Variants in ITFG1 observed in about 807,000 individuals in gnomAD.
ITFG1 encodes T-cell immunomodulatory protein.
Under a neutral mutation model 81.8 loss-of-function variants are expected in ITFG1, and 34 were observed. The observed-to-expected ratio is 0.42, with a 90% CI of 0.32 to 0.55. ITFG1 has a LOEUF of 0.55. ITFG1 is among the 20% of genes least tolerant of loss of function. The pLI is 0.17. For missense variants in ITFG1, 672 were observed against 755.4 expected (o/e 0.89, Z 1.29); for synonymous variants, 285 against 270.6 (o/e 1.05, Z -0.52).
At chr16:47,439,756 G>A (rs1969220371) in intron 5 of ITFG1, among the ~76,000 whole-genome samples, 1 of 152,110 alleles carries the variant, frequency 6.6e-6, no homozygotes, top group Non-Finnish European at 1.5e-5. Flanking sequence ...GACCATGAAG[G>A]TTAGGAAGAA....
intron 5 of ITFG1, among the ~76,000 whole-genome samples, chr16:47,437,775 T>C (rs953201051): frequency 2.0e-5 from 3 of 152,226 alleles, no homozygotes; most frequent in South Asian, 2.1e-4. Context: ...GTGAGTGACG[T>C]AGAAGACGGG....
intron 5 of ITFG1, among the ~76,000 whole-genome samples, chr16:47,431,159 G>A (rs1414249524): frequency 6.6e-6 from 1 of 152,180 alleles, no homozygotes; most frequent in African/African-American, 2.4e-5. Context: ...CAGATTTGTG[G>A]TTGTCAGGTG....
chr16:47,428,832 A>G lies in ITFG1; in HGVS notation c.627T>C (p.Phe209=). ...CTGTAAAATCTTCAGTCAGATCAAT[A>G]AATGCATGAGAATGTGGAATTCGCA... The part of the protein sequence containing the change: ...SKMRIPHSHA[F]IDLTEDFTAD... The change falls in exon 6 of 18, where the codon TTT becomes TTC. Residue 209 remains phenylalanine, a synonymous_variant. Transcript: ENST00000320640. 6.2e-7 allele frequency: 1 copy of G among 1,610,650 alleles called. No individual in the cohort carries two copies. The highest frequency in any genetic ancestry group is 8.5e-7 in the Non-Finnish European group (1 of 1,178,066).
intron 10 of ITFG1, among the ~76,000 whole-genome samples, chr16:47,296,856 A>C (rs985496347): frequency 1.3e-5 from 2 of 152,210 alleles, no homozygotes; most frequent in African/African-American, 4.8e-5. Context: ...CTTTGTGGTA[A>C]CATATGGTCT....
At chr16:47,163,675 T>A (rs141199121) in intron 14 of ITFG1, among the ~76,000 whole-genome samples, 17 of 152,288 alleles carry the variant, frequency 1.1e-4, no homozygotes, top group African/African-American at 4.1e-4. Flanking sequence ...GTGTTTAACA[T>A]CATTAGGAAC....
At chr16:47,274,824 T>C (rs752912158) in intron 10 of ITFG1, among the ~76,000 whole-genome samples, 3 of 152,300 alleles carry the variant, frequency 2.0e-5, no homozygotes, top group South Asian at 4.1e-4. Context: ...ATTAGTCCAA[T>C]AGATGTTTTG....
At chr16:47,453,907 A>G (rs1446198855) in intron 3 of ITFG1, 106 bp downstream of exon 3, 1 of 734,340 alleles carries the variant, frequency 1.4e-6, no homozygotes, top group Non-Finnish European at 2.2e-6. Context: ...TTTTACAATT[A>G]TTGACACCCA....
rs145011809 is a variant in ITFG1, at chr16:47,338,283, C to T, written c.803-24460G>A. ...AACATTGGCCAGGAGCGGTGGCAGG[C>T]GCGCATAATCCCTACTCGGGAGGCT... On this transcript the variant is annotated intron_variant, in intron 8 of 17. Coordinates refer to ENST00000320640, the MANE Select transcript of ITFG1 (RefSeq NM_030790.5). Among the ~76,000 whole-genome samples the T allele has an allele frequency of 5.8e-3, 883 of 152,142 alleles. 7 individuals are homozygous for T. The highest frequency in any genetic ancestry group is 0.02 in the African/African-American group (835 of 41,490).
chr16:47,337,321 C>T (rs1353700330), intron 8 of ITFG1, among the ~76,000 whole-genome samples: 3 of 152,076 alleles, frequency 2.0e-5, no homozygotes, highest in African/African-American at 7.2e-5. Flanking sequence ...CCTGTAATCC[C>T]AGCACTTTGG....
intron 8 of ITFG1, among the ~76,000 whole-genome samples, chr16:47,324,652 A>C (rs201527968): frequency 5.3e-5 from 8 of 152,240 alleles, no homozygotes; most frequent in African/African-American, 1.7e-4. Flanking sequence ...ATCTACCAAG[A>C]AAATGGAAAA....
intron 6 of ITFG1, among the ~76,000 whole-genome samples, chr16:47,423,061 G>C (rs1019269047): frequency 6.6e-6 from 1 of 152,146 alleles, no homozygotes; most frequent in African/African-American, 2.4e-5. Flanking sequence ...GGGAGTCTAA[G>C]TCTCTTTGTA....
intron 5 of ITFG1, among the ~76,000 whole-genome samples, chr16:47,433,290 C>G (rs1969116738): frequency 1.3e-5 from 2 of 152,204 alleles, no homozygotes; most frequent in Non-Finnish European, 2.9e-5. Context: ...CTTTAAGAAT[C>G]TTGAATTCAT....
chr16:47,429,474 T>C (rs1435521763), intron 5 of ITFG1, among the ~76,000 whole-genome samples: 1 of 152,226 alleles, frequency 6.6e-6, no homozygotes, highest in Non-Finnish European at 1.5e-5. Context: ...TGTTGGGTCA[T>C]AGAGGAATAT....
At chr16:47,342,061 C>T (rs1297873799) in intron 8 of ITFG1, among the ~76,000 whole-genome samples, 2 of 152,084 alleles carry the variant, frequency 1.3e-5, no homozygotes, top group African/African-American at 2.4e-5. Flanking sequence ...CTTCCCAACT[C>T]GTTTTATGAA....
chr16:47,327,819 G>A (rs1294614899), intron 8 of ITFG1, among the ~76,000 whole-genome samples: 2 of 152,118 alleles, frequency 1.3e-5, no homozygotes, highest in Admixed American at 6.5e-5. Context: ...AAAAAGTCAG[G>A]AAACAACAGG....
At position 47,414,536 on chromosome 16, in the gene ITFG1, AC is replaced by A. The variant is rs1161676543; in HGVS notation, c.655+14267del. Among the ~76,000 whole-genome samples, 293 of 149,134 alleles carry A rather than the reference AC, an allele frequency of 2.0e-3. 5 individuals are homozygous for A. Among genetic ancestry groups the A allele is most frequent in the Non-Finnish European group, 2.4e-4 (16 of 67,842 alleles). ...GTGAGACTCTGTCGTAAAACAAAAA[AC>A]AAAAAACAAAAAACAAACAACAACA... On this transcript the variant is annotated intron_variant, in intron 6 of 17. Transcript: ENST00000320640.
intron 8 of ITFG1, among the ~76,000 whole-genome samples, chr16:47,319,398 G>A (rs1229430109): frequency 3.3e-5 from 5 of 152,106 alleles, no homozygotes; most frequent in Non-Finnish European, 5.9e-5. Context: ...ATCAACTACC[G>A]AAGCTGGAAT....
chr16:47,442,879 A>G (rs1969271976), intron 5 of ITFG1, among the ~76,000 whole-genome samples: 1 of 152,228 alleles, frequency 6.6e-6, no homozygotes, highest in Non-Finnish European at 1.5e-5. Context: ...AGCAATGGCA[A>G]CAAAAGCCAA....
At chr16:47,429,977 G>C (rs1395747218) in intron 5 of ITFG1, among the ~76,000 whole-genome samples, 1 of 150,074 alleles carries the variant, frequency 6.7e-6, no homozygotes, top group Non-Finnish European at 1.5e-5. Flanking sequence ...CGTTTTAAGA[G>C]TTCTTTATAT....
Sources: gnomAD v4.1 joint callset for allele counts (sites outside exome capture counted in the v4.1 genomes callset) on GRCh38, gnomAD v4.1.1 for gene constraint, MANE v1.5 for transcripts, NCBI Gene and HGNC (gene_info 2026-07-23, HGNC 2026-07-21) for gene names.